Variants in DENND1A observed in about 807,000 individuals in gnomAD.
The protein encoded by DENND1A is DENN domain-containing protein 1A.
Under a neutral mutation model 113.7 loss-of-function variants are expected in DENND1A, and 51 were observed. That is an observed-to-expected ratio of 0.45 (90% CI 0.36 to 0.57). The LOEUF is 0.57. DENND1A is among the 20% of genes least tolerant of loss of function. DENND1A has a pLI of 0.00. For synonymous variants in DENND1A, 565 were observed against 570.8 expected, an observed-to-expected ratio of 0.99 and a Z score of 0.14; for missense variants, 1,258 against 1,395.9, an observed-to-expected ratio of 0.90 and a Z score of 1.57.
At chr9:123,861,600 T>A (rs1052211544) in intron 2 of DENND1A, among the ~76,000 whole-genome samples, 8 of 152,154 alleles carry the variant, frequency 5.3e-5, no homozygotes, top group African/African-American at 1.7e-4. Context: ...GACCATATTG[T>A]GGATTTACAA....
chr9:123,770,393 G>GA (rs1245688760), intron 3 of DENND1A, among the ~76,000 whole-genome samples: 4 of 151,870 alleles, frequency 2.6e-5, no homozygotes, highest in Non-Finnish European at 5.9e-5. Context: ...CATTACCACA[G>GA]AAAAAAACAG....
At chr9:123,548,319 G>C (rs2056836143) in intron 13 of DENND1A, among the ~76,000 whole-genome samples, 1 of 152,234 alleles carries the variant, frequency 6.6e-6, no homozygotes, top group Admixed American at 6.5e-5. Flanking sequence ...CCCCATCAAT[G>C]AATCTGCTTA....
intron 1 of DENND1A, among the ~76,000 whole-genome samples, chr9:123,908,842 T>C (rs1853406983): frequency 6.6e-6 from 1 of 152,196 alleles, no homozygotes; most frequent in Non-Finnish European, 1.5e-5. Context: ...GCCATCCCAT[T>C]ACTGGGTATA....
At chr9:123,469,152 G>C (rs953270300) in intron 13 of DENND1A, among the ~76,000 whole-genome samples, 1 of 152,226 alleles carries the variant, frequency 6.6e-6, no homozygotes, top group Admixed American at 6.5e-5. Flanking sequence ...ATTTTGGGGT[G>C]ACAGGACCAA....
chr9:123,822,703 A>G (rs568999929), intron 2 of DENND1A, among the ~76,000 whole-genome samples: 1 of 152,228 alleles, frequency 6.6e-6, no homozygotes, highest in Admixed American at 6.5e-5. Context: ...CACCTACTAC[A>G]TAAACACATT....
intron 5 of DENND1A, among the ~76,000 whole-genome samples, chr9:123,699,003 A>G (rs1431806592): frequency 1.3e-5 from 2 of 152,226 alleles, no homozygotes; most frequent in East Asian, 3.8e-4. Context: ...GTATTGGAAT[A>G]AAAGACAATT....
chr9:123,421,047 G>C (rs2045253689), intron 19 of DENND1A, among the ~76,000 whole-genome samples: 1 of 148,314 alleles, frequency 6.7e-6, no homozygotes, highest in Admixed American at 6.8e-5. Context: ...ACAGAAGCAG[G>C]AGGCAGGCGC....
At chr9:123,856,312 A>G (rs966038842) in intron 2 of DENND1A, among the ~76,000 whole-genome samples, 2 of 152,166 alleles carry the variant, frequency 1.3e-5, no homozygotes, top group African/African-American at 4.8e-5. Flanking sequence ...AAGTGCAACC[A>G]GTGCGAGAAG....
chr9:123,730,205 C>T (rs1372818856), intron 5 of DENND1A, among the ~76,000 whole-genome samples: 1 of 152,138 alleles, frequency 6.6e-6, no homozygotes, highest in East Asian at 1.9e-4. Context: ...TGGGCAAAGA[C>T]TTCATGACTA....
chr9:123,782,997 A>G (rs117119753), intron 3 of DENND1A, among the ~76,000 whole-genome samples: 2,947 of 152,242 alleles, frequency 0.019, 39 homozygotes, highest in Middle Eastern at 0.037. Flanking sequence ...AGGAATCTTT[A>G]CTGTACTGTA....
At chr9:123,771,903 T>C (rs1340433854) in intron 3 of DENND1A, among the ~76,000 whole-genome samples, 4 of 152,126 alleles carry the variant, frequency 2.6e-5, no homozygotes, top group African/African-American at 4.8e-5. Context: ...ATAGGCAATG[T>C]AGGCACATGT....
intron 1 of DENND1A, chr9:123,928,601 C>T: frequency 1.0e-6 from 1 of 985,366 alleles, no homozygotes; most frequent in South Asian, 4.7e-5. Flanking sequence ...TTACCATAAG[C>T]AAACTTTTCT....
intron 12 of DENND1A, among the ~76,000 whole-genome samples, chr9:123,564,587 C>G (rs967029880): frequency 2.0e-5 from 3 of 152,248 alleles, no homozygotes; most frequent in African/African-American, 4.8e-5. Flanking sequence ...CATTGCCCCC[C>G]TGCCTAGAAT....
At chr9:123,835,051 G>A (rs1288212940) in intron 2 of DENND1A, among the ~76,000 whole-genome samples, 1 of 151,318 alleles carries the variant, frequency 6.6e-6, no homozygotes, top group African/African-American at 2.4e-5. Flanking sequence ...CAATCGCTCA[G>A]GACATAAACA....
At chr9:123,546,390 T>C (rs540176865) in intron 13 of DENND1A, among the ~76,000 whole-genome samples, 2 of 144,746 alleles carry the variant, frequency 1.4e-5, no homozygotes, top group African/African-American at 2.6e-5. Flanking sequence ...CTACTAAAAA[T>C]ACAAAAAAAA....
intron 13 of DENND1A, among the ~76,000 whole-genome samples, chr9:123,484,885 G>C (rs1004115916): frequency 2.0e-5 from 3 of 152,198 alleles, no homozygotes; most frequent in African/African-American, 7.2e-5. Flanking sequence ...ACCCTCCCTA[G>C]CTGTGGCACC....
At chr9:123,552,115 T>C (rs2057122505) in intron 13 of DENND1A, among the ~76,000 whole-genome samples, 1 of 146,276 alleles carries the variant, frequency 6.8e-6, no homozygotes, top group African/African-American at 2.6e-5. Flanking sequence ...CAGGGAAAAG[T>C]TCTTCAGACG....
chr9:123,446,245 T>A (rs1030752942), intron 18 of DENND1A, among the ~76,000 whole-genome samples: 8 of 152,270 alleles, frequency 5.3e-5, no homozygotes, highest in Admixed American at 2.0e-4. Flanking sequence ...CCAGGCCACC[T>A]CACAGCACAG....
At chr9:123,897,611 C>A (rs1850967856) in intron 1 of DENND1A, among the ~76,000 whole-genome samples, 1 of 152,152 alleles carries the variant, frequency 6.6e-6, no homozygotes, top group Non-Finnish European at 1.5e-5. Flanking sequence ...GAGGGCAGTT[C>A]AAGAAAATGA....
Sources: allele counts gnomAD v4.1 joint callset (sites outside exome capture counted in the v4.1 genomes callset), GRCh38; gene constraint gnomAD v4.1.1; transcripts MANE v1.5; gene names NCBI Gene and HGNC (gene_info 2026-07-23, HGNC 2026-07-21).